SUPT3H: variants seen among roughly 807,000 people sequenced by gnomAD.
SUPT3H encodes the protein SPT3 homolog, SAGA and STAGA complex component.
SUPT3H carries 44 observed loss-of-function variants against 44.3 expected under a neutral mutation model. The observed-to-expected ratio is 0.99, with a 90% CI of 0.78 to 1.28. The LOEUF is 1.28. Ranked by LOEUF, SUPT3H falls within the 50% of genes most tolerant of loss-of-function variation. SUPT3H has a pLI of 0.00. For missense variants in SUPT3H, 380 were observed against 387.1 expected, an observed-to-expected ratio of 0.98 and a Z score of 0.15; for synonymous variants, 124 against 125.6, an observed-to-expected ratio of 0.99 and a Z score of 0.09.
At chr6:45,324,174 T>G (rs1785982397) in intron 2 of SUPT3H, among the ~76,000 whole-genome samples, 1 of 151,984 alleles carries the variant, frequency 6.6e-6, no homozygotes, top group South Asian at 2.1e-4. Flanking sequence ...ACAAGAAACA[T>G]GAATTACTTA....
At chr6:45,198,292 T>C (rs1042948532) in intron 2 of SUPT3H, among the ~76,000 whole-genome samples, 10 of 151,308 alleles carry the variant, frequency 6.6e-5, no homozygotes, top group Non-Finnish European at 5.9e-5. Flanking sequence ...GAGTGTCATT[T>C]TGTATTCAAC....
intron 2 of SUPT3H, among the ~76,000 whole-genome samples, chr6:45,275,702 T>C (rs904164925): frequency 1.3e-5 from 2 of 152,158 alleles, no homozygotes; most frequent in African/African-American, 4.8e-5. Context: ...ATTTATACTT[T>C]GGTTAGGTAA....
intron 2 of SUPT3H, among the ~76,000 whole-genome samples, chr6:45,303,717 G>A (rs1297127051): frequency 9.3e-5 from 14 of 150,234 alleles, no homozygotes; most frequent in East Asian, 5.8e-4. Context: ...AAGCCAGGCC[G>A]GGCACAGTGG....
chr6:45,113,549 T>C (rs1050952689), intron 2 of SUPT3H, among the ~76,000 whole-genome samples: 14 of 152,218 alleles, frequency 9.2e-5, no homozygotes, highest in Admixed American at 2.0e-4. Context: ...AAATATCAAA[T>C]AAGGCTGGGC....
chr6:45,098,366 C>A lies in SUPT3H; in HGVS notation c.186+7556G>T, dbSNP rs114120545. 716 of 155,856 alleles carry A rather than the reference C, an allele frequency of 4.6e-3. 9 individuals are homozygous for A. Among genetic ancestry groups the A allele is most frequent in the African/African-American group, 0.016 (669 of 41,570 alleles). 9.7% of individuals were successfully genotyped at this position (155,856 alleles called of 1,614,324 possible). On this transcript the variant is annotated intron_variant, in intron 3 of 10. Coordinates refer to ENST00000371459, the MANE Select transcript of SUPT3H (RefSeq NM_003599.4). ...AAAGTCTGATGTCAAAAAAAGAGTA[C>A]TGCATGTAGAATATGAGAGACAGGG...
intron 3 of SUPT3H, among the ~76,000 whole-genome samples, chr6:45,025,324 T>C (rs1342973445): frequency 6.6e-6 from 1 of 152,210 alleles, no homozygotes; most frequent in African/African-American, 2.4e-5. Context: ...TTAATTGCAC[T>C]TGTTATCAAG....
At chr6:44,910,984 G>C (rs2153452870) in intron 10 of SUPT3H, among the ~76,000 whole-genome samples, 1 of 97,252 alleles carries the variant, frequency 1.0e-5, no homozygotes. Context: ...AACAGAGTGA[G>C]ACTCCATCTC....
At chr6:44,900,363 C>A (rs1400464056) in intron 10 of SUPT3H, among the ~76,000 whole-genome samples, 2 of 152,242 alleles carry the variant, frequency 1.3e-5, no homozygotes, top group African/African-American at 4.8e-5. Context: ...AAACGGCACA[C>A]CAGGAGATTA....
At chr6:44,967,197 T>G (rs189321014) in intron 6 of SUPT3H, among the ~76,000 whole-genome samples, 9 of 152,222 alleles carry the variant, frequency 5.9e-5, no homozygotes, top group Non-Finnish European at 1.0e-4. Context: ...CTCAACAGTA[T>G]TTTAAAATTT....
rs141287652 is a variant in SUPT3H, at chr6:44,998,953, C to T, written c.504+4700G>A. 2.2e-3 allele frequency among the ~76,000 whole-genome samples: 330 copies of T among 151,970 alleles called. 1 individual carries two copies. The highest frequency in any genetic ancestry group is 7.6e-3 in the African/African-American group (314 of 41,494). On this transcript the variant is annotated intron_variant, in intron 6 of 10. Coordinates refer to ENST00000371459, the MANE Select transcript of SUPT3H (RefSeq NM_003599.4). ...TGTTTAATTTTATATGGACTTTTCT[C>T]GTTGTTACTATCTAAACAGTCTGTG...
intron 10 of SUPT3H, among the ~76,000 whole-genome samples, chr6:44,870,825 C>G (rs1402606350): frequency 2.4e-4 from 36 of 151,652 alleles, no homozygotes; most frequent in Admixed American, 8.5e-4. Context: ...GCGAGGCATT[C>G]CCTCACCTGG....
chr6:45,313,758 T>A (rs564468093), intron 2 of SUPT3H, among the ~76,000 whole-genome samples: 3 of 151,100 alleles, frequency 2.0e-5, no homozygotes, highest in South Asian at 4.2e-4. Flanking sequence ...TTCCACAAGA[T>A]AGAGAAAGAG....
At chr6:45,195,020 T>G (rs1159176500) in intron 2 of SUPT3H, among the ~76,000 whole-genome samples, 2 of 152,160 alleles carry the variant, frequency 1.3e-5, no homozygotes, top group Non-Finnish European at 2.9e-5. Context: ...ATCTAATTCT[T>G]GAGAGTTTGC....
intron 2 of SUPT3H, among the ~76,000 whole-genome samples, chr6:45,296,341 A>T (rs1023650436): frequency 6.6e-6 from 1 of 152,066 alleles, no homozygotes; most frequent in Admixed American, 6.5e-5. Flanking sequence ...TTATTTTCTC[A>T]CTAATAAGTG....
At chr6:44,959,985 G>A (rs1775775127) in intron 7 of SUPT3H, among the ~76,000 whole-genome samples, 1 of 151,816 alleles carries the variant, frequency 6.6e-6, no homozygotes, top group Non-Finnish European at 1.5e-5. Flanking sequence ...TCCCCACCAA[G>A]GTTTCATAAT....
chr6:45,014,226 A>G (rs1783909239), intron 5 of SUPT3H, among the ~76,000 whole-genome samples: 1 of 152,048 alleles, frequency 6.6e-6, no homozygotes, highest in Admixed American at 6.6e-5. Flanking sequence ...ATAAGGGGGA[A>G]GATTTGAAAT....
chr6:45,310,991 C>G (rs1203030390), intron 2 of SUPT3H, among the ~76,000 whole-genome samples: 2 of 152,100 alleles, frequency 1.3e-5, no homozygotes, highest in Non-Finnish European at 2.9e-5. Context: ...AGGGAGGGAC[C>G]AGAGAAAGGC....
At chr6:45,058,077 G>T (rs9349309) in intron 3 of SUPT3H, among the ~76,000 whole-genome samples, 88,273 of 151,940 alleles carry the variant, frequency 0.58, 26,548 homozygotes, top group African/African-American at 0.74. Flanking sequence ...AAATTATGGG[G>T]TGCTTATTTT....
chr6:45,260,410 T>C (rs1418796912), intron 2 of SUPT3H, among the ~76,000 whole-genome samples: 3 of 29,930 alleles, frequency 1.0e-4, no homozygotes, highest in Non-Finnish European at 1.7e-4. Flanking sequence ...CTGCATTCAA[T>C]TTATTCCTAT....
Sources: gnomAD v4.1 joint callset for allele counts (sites outside exome capture counted in the v4.1 genomes callset) on GRCh38, gnomAD v4.1.1 for gene constraint, MANE v1.5 for transcripts, NCBI Gene and HGNC (gene_info 2026-07-23, HGNC 2026-07-21) for gene names.